UBXN2B: variants seen among roughly 807,000 people sequenced by gnomAD.
UBXN2B encodes the protein UBX domain-containing protein 2B.
In UBXN2B, 19 loss-of-function variants were observed where a neutral mutation model predicts 37.5. That is an observed-to-expected ratio of 0.51 (90% CI 0.35 to 0.74). The LOEUF (loss-of-function observed/expected upper bound fraction) is 0.74, where lower values mean the gene tolerates loss of function less well. UBXN2B is among the 30% of genes least tolerant of loss of function. The pLI, the probability that UBXN2B is intolerant of heterozygous loss-of-function variation, is 0.01. For missense variants in UBXN2B, 370 were observed against 393.2 expected (o/e 0.94, Z 0.50); for synonymous variants, 145 against 143.8 (o/e 1.01, Z -0.06).
chr8:58,444,725 TTCCTTAA>T (rs1808630907), intron 6 of UBXN2B, among the ~76,000 whole-genome samples: 1 of 152,214 alleles, frequency 6.6e-6, no homozygotes, highest in Non-Finnish European at 1.5e-5. Context: ...TAAAAAGAAA[TTCCTTAA>T]TATCTGATCA....
chr8:58,447,556 G>T lies in UBXN2B; in HGVS notation c.*5G>T, dbSNP rs775018211. 1.9e-6 allele frequency: 3 copies of T among 1,604,278 alleles called. No homozygotes were observed. The East Asian group carries it at 6.7e-5, about 36-fold the overall frequency. On this transcript the variant is annotated 3_prime_UTR_variant, in exon 8 of 8. Coordinates refer to ENST00000399598, the MANE Select transcript of UBXN2B (RefSeq NM_001077619.2). Reference sequence around the variant, plus strand: ...TTACTCCAGCAACTAAAATAATATTGTTCCTGTCCATGCAGTAGCATGTGG... The same window carrying T: ...TTACTCCAGCAACTAAAATAATATTTTTCCTGTCCATGCAGTAGCATGTGG...
At chr8:58,416,536 C>T (rs1417169897) in intron 1 of UBXN2B, among the ~76,000 whole-genome samples, 1 of 152,000 alleles carries the variant, frequency 6.6e-6, no homozygotes, top group Non-Finnish European at 1.5e-5. Context: ...AAAAGAATTG[C>T]ACAAGAATTT....
rs1337121495 is a variant in UBXN2B, at chr8:58,447,508, A to G, written c.953A>G (p.Glu318Gly). The G allele has an allele frequency of 2.5e-6, 4 of 1,613,304 alleles. No individual in the cohort carries two copies. Among genetic ancestry groups the G allele is most frequent in the South Asian group, 1.1e-5 (1 of 90,948 alleles). ...ELTDESLTLL[E>G]ADILNTVLLQ... ...ACAGATGAAAGCCTGACACTGCTAG[A>G]AGCAGATATTCTTAACACTGTGTTA... is the stretch of plus-strand genomic sequence containing the variant. Residue 318 changes from glutamate (E) to glycine (G), a missense_variant, in exon 8 of 8, where the codon GAA (glutamate) becomes GGA (glycine). By Grantham distance (98) the Glu-to-Gly change is moderately conservative. This residue lies in a region of UBXN2B where 83 missense variants were observed against 83.5 expected (regional missense o/e 0.99). Transcript: ENST00000399598.
rs1395298444 is a variant in UBXN2B, at chr8:58,449,193, C to G, written c.*1642C>G. The G allele has an allele frequency of 6.6e-6, 1 of 152,138 alleles. No individual in the cohort carries two copies. Among genetic ancestry groups the G allele is most frequent in the African/African-American group, 2.4e-5 (1 of 41,412 alleles). The allele number at this position is 152,138 out of a possible 1,614,324, so 9.4% of individuals were successfully genotyped here. On this transcript the variant is annotated 3_prime_UTR_variant, in exon 8 of 8. Transcript: ENST00000399598. ...CTCCTTGTCTTGAAATCCATAGTAA[C>G]CTTAATTACATCTGCAAAATCTCTT...
intron 2 of UBXN2B, chr8:58,425,886 T>C: frequency 5.1e-6 from 6 of 1,175,728 alleles, no homozygotes; most frequent in South Asian, 2.4e-5. Context: ...TTGCCGTTAT[T>C]GTTCTCCCCT....
At chr8:58,424,559 T>C in intron 2 of UBXN2B, 1 of 992,728 alleles carries the variant, frequency 1.0e-6, no homozygotes, top group Non-Finnish European at 1.6e-6. Context: ...TCCACATCTA[T>C]TTTTGTGCTG....
intron 1 of UBXN2B, chr8:58,413,216 C>T (rs1247925303): frequency 6.6e-6 from 1 of 151,896 alleles, no homozygotes; most frequent in African/African-American, 2.4e-5. Context: ...TAGGTTAGGG[C>T]AGTAGGAAGA....
intron 2 of UBXN2B, among the ~76,000 whole-genome samples, chr8:58,417,253 A>G (rs1013313956): frequency 1.5e-4 from 23 of 152,158 alleles, no homozygotes; most frequent in African/African-American, 4.8e-4. Context: ...CTTGGGCACA[A>G]TGGTTCTTTA....
chr8:58,439,280 G>A (rs1319415624), intron 5 of UBXN2B, among the ~76,000 whole-genome samples: 2 of 152,088 alleles, frequency 1.3e-5, no homozygotes, highest in South Asian at 2.1e-4. Context: ...AACTTTCTCC[G>A]AGGAGTTTAT....
At chr8:58,446,743 T>A (rs1808680154) in intron 7 of UBXN2B, among the ~76,000 whole-genome samples, 1 of 143,256 alleles carries the variant, frequency 7.0e-6, no homozygotes, top group Non-Finnish European at 1.5e-5. Context: ...CATATGCTGC[T>A]AACACATTTT....
rs1432122604 is a variant in UBXN2B at position 58,450,941 on chromosome 8, C to T, written c.*3390C>T. ...AGAGGAATTCTCAAAATAAGCCCTA[C>T]TCCTTTTCACTTACTGAAAACAACT... On this transcript the variant is annotated 3_prime_UTR_variant, in exon 8 of 8. Coordinates refer to ENST00000399598, the MANE Select transcript of UBXN2B (RefSeq NM_001077619.2). 1 of 152,562 alleles carries T rather than the reference C, an allele frequency of 6.6e-6. No individual in the cohort carries two copies. The highest frequency in any genetic ancestry group is 1.9e-4 in the East Asian group (1 of 5,194). The allele number at this position is 152,562 out of a possible 1,614,324, so 9.5% of individuals were successfully genotyped here.
intron 2 of UBXN2B, chr8:58,424,980 G>A (rs1808041972): frequency 1.3e-6 from 1 of 791,016 alleles, no homozygotes. Context: ...TCCCTGTCCG[G>A]CCAATTCCAG....
chr8:58,423,701 C>T (rs1256212902), intron 2 of UBXN2B, among the ~76,000 whole-genome samples: 1 of 151,402 alleles, frequency 6.6e-6, no homozygotes, highest in East Asian at 1.9e-4. Flanking sequence ...TCCCAAAGTG[C>T]TGGGATTACA....
At chr8:58,444,336 A>G (rs1291045206) in intron 6 of UBXN2B, among the ~76,000 whole-genome samples, 1 of 152,164 alleles carries the variant, frequency 6.6e-6, no homozygotes, top group African/African-American at 2.4e-5. Context: ...TATGTGTCCT[A>G]ATTAATTTAA....
At chr8:58,426,139 C>G in intron 2 of UBXN2B, 1 of 1,147,312 alleles carries the variant, frequency 8.7e-7, no homozygotes, top group Non-Finnish European at 1.3e-6. Context: ...GCCGGACCAA[C>G]TCAGCCAAAG....
chr8:58,425,652 G>A (rs1331956407), intron 2 of UBXN2B: 3 of 1,138,336 alleles, frequency 2.6e-6, no homozygotes, highest in Admixed American at 1.7e-5. Context: ...TGACTTTATT[G>A]TGGTCTCAGC....
intron 2 of UBXN2B, among the ~76,000 whole-genome samples, chr8:58,420,928 G>A (rs757319351): frequency 1.3e-5 from 2 of 152,186 alleles, no homozygotes; most frequent in Admixed American, 1.3e-4. Flanking sequence ...CCTGACATCA[G>A]GGAGGCCATG....
At chr8:58,424,097 A>G (rs1199925110) in intron 2 of UBXN2B, among the ~76,000 whole-genome samples, 2 of 152,126 alleles carry the variant, frequency 1.3e-5, no homozygotes, top group Non-Finnish European at 2.9e-5. Context: ...TGAATTATCC[A>G]CTATTGGATA....
chr8:58,418,296 A>G (rs533263034), intron 2 of UBXN2B, among the ~76,000 whole-genome samples: 2 of 151,774 alleles, frequency 1.3e-5, no homozygotes, highest in African/African-American at 2.4e-5. Context: ...GCCATTTAAT[A>G]TATAGTTAGT....
Sources: allele counts gnomAD v4.1 joint callset (sites outside exome capture counted in the v4.1 genomes callset), GRCh38; gene constraint gnomAD v4.1.1; regional missense constraint gnomAD v4.1.1; transcripts MANE v1.5; gene names NCBI Gene and HGNC (gene_info 2026-07-23, HGNC 2026-07-21).